ARHGAP15: variants seen among roughly 807,000 people sequenced by gnomAD.
ARHGAP15 encodes rho GTPase-activating protein 15.
ARHGAP15 carries 51 observed loss-of-function variants against 63.7 expected under a neutral mutation model. The ratio of observed to expected loss-of-function variants is 0.80; its 90% CI spans 0.64 to 1.01. The LOEUF is 1.01. ARHGAP15 is among the 50% of genes least tolerant of loss of function. The pLI is 0.00. For missense variants in ARHGAP15, 560 were observed against 564.6 expected (o/e 0.99, Z 0.08); for synonymous variants, 191 against 193.8 (o/e 0.99, Z 0.12).
intron 6 of ARHGAP15, among the ~76,000 whole-genome samples, chr2:143,391,461 C>G (rs759382174): frequency 4.6e-5 from 7 of 152,118 alleles, no homozygotes; most frequent in Non-Finnish European, 8.8e-5. Flanking sequence ...TCTACCAAAG[C>G]ATGCTATGCA....
intron 1 of ARHGAP15, among the ~76,000 whole-genome samples, chr2:143,135,247 T>C (rs1436485714): frequency 6.6e-6 from 1 of 152,218 alleles, no homozygotes; most frequent in African/African-American, 2.4e-5. Context: ...AAAGTTCATC[T>C]GATGAAAGCA....
At chr2:143,280,169 T>G (rs538521057) in intron 6 of ARHGAP15, among the ~76,000 whole-genome samples, 1 of 152,330 alleles carries the variant, frequency 6.6e-6, no homozygotes, top group South Asian at 2.1e-4. Context: ...TTATAGGCTT[T>G]CTTTTAAAAA....
At chr2:143,736,735 C>T (rs1685760168) in intron 13 of ARHGAP15, among the ~76,000 whole-genome samples, 1 of 152,216 alleles carries the variant, frequency 6.6e-6, no homozygotes, top group Non-Finnish European at 1.5e-5. Flanking sequence ...TTGCTTTACA[C>T]AATGCCTGGC....
intron 12 of ARHGAP15, among the ~76,000 whole-genome samples, chr2:143,637,955 C>T (rs1680406835): frequency 2.0e-5 from 3 of 151,862 alleles, no homozygotes; most frequent in Admixed American, 2.0e-4. Flanking sequence ...AATGAGATAC[C>T]ATCTCACACC....
At chr2:143,657,798 T>C (rs995609948) in intron 12 of ARHGAP15, among the ~76,000 whole-genome samples, 2 of 152,212 alleles carry the variant, frequency 1.3e-5, no homozygotes, top group African/African-American at 4.8e-5. Context: ...CCCTCCTGAT[T>C]TGATTTGTTG....
chr2:143,664,632 G>T (rs1442184635), intron 12 of ARHGAP15, among the ~76,000 whole-genome samples: 3 of 151,516 alleles, frequency 2.0e-5, no homozygotes, highest in Non-Finnish European at 3.0e-5. Flanking sequence ...TCCAGGAGCT[G>T]GTTTTTTGAA....
intron 6 of ARHGAP15, among the ~76,000 whole-genome samples, chr2:143,375,500 C>T (rs577700640): frequency 6.6e-6 from 1 of 152,272 alleles, no homozygotes; most frequent in South Asian, 2.1e-4. Context: ...TACTCTCTTG[C>T]ACATGTGGAA....
At chr2:143,684,081 T>TAAAG (rs1294896528) in intron 12 of ARHGAP15, among the ~76,000 whole-genome samples, 3 of 145,352 alleles carry the variant, frequency 2.1e-5, no homozygotes, top group Non-Finnish European at 4.6e-5. Flanking sequence ...ATTTATCTCC[T>TAAAG]AAAGATTTTA....
At chr2:143,514,005 G>T (rs181283021) in intron 9 of ARHGAP15, among the ~76,000 whole-genome samples, 22 of 152,306 alleles carry the variant, frequency 1.4e-4, no homozygotes, top group Admixed American at 3.3e-4. Flanking sequence ...GTGCATGTGA[G>T]AATTAAATGT....
At chr2:143,130,335 A>G (rs1363104523) in intron 1 of ARHGAP15, among the ~76,000 whole-genome samples, 1 of 152,104 alleles carries the variant, frequency 6.6e-6, no homozygotes, top group Non-Finnish European at 1.5e-5. Flanking sequence ...TGTGCAGAAA[A>G]CATCAAAATA....
intron 9 of ARHGAP15, among the ~76,000 whole-genome samples, chr2:143,495,709 A>G (rs1692786386): frequency 1.3e-5 from 1 of 77,028 alleles, no homozygotes; most frequent in Admixed American, 1.2e-4. Flanking sequence ...AACATCATTG[A>G]GTTAAGAGAA....
At chr2:143,752,743 C>A (rs886345976) in intron 13 of ARHGAP15, among the ~76,000 whole-genome samples, 3 of 152,170 alleles carry the variant, frequency 2.0e-5, no homozygotes, top group African/African-American at 7.2e-5. Context: ...GAAGTGCAGA[C>A]CCAAGAAAGC....
At chr2:143,313,255 G>A (rs1489630889) in intron 6 of ARHGAP15, among the ~76,000 whole-genome samples, 1 of 151,956 alleles carries the variant, frequency 6.6e-6, no homozygotes. Context: ...GAAGTATGAC[G>A]GACTTACATG....
At chr2:143,478,333 T>C (rs1340327984) in intron 8 of ARHGAP15, among the ~76,000 whole-genome samples, 1 of 152,206 alleles carries the variant, frequency 6.6e-6, no homozygotes, top group African/African-American at 2.4e-5. Flanking sequence ...AGCCGTACAA[T>C]GATACACACC....
intron 1 of ARHGAP15, among the ~76,000 whole-genome samples, chr2:143,138,957 A>T (rs1689252413): frequency 6.6e-6 from 1 of 152,094 alleles, no homozygotes; most frequent in African/African-American, 2.4e-5. Flanking sequence ...TTTTTAAACT[A>T]CATGTGTGTG....
chr2:143,545,952 C>T (rs868245534), intron 10 of ARHGAP15, among the ~76,000 whole-genome samples: 7 of 152,160 alleles, frequency 4.6e-5, no homozygotes, highest in South Asian at 4.1e-4. Context: ...TTAGCTCTCG[C>T]GACTTCTCTG....
intron 2 of ARHGAP15, among the ~76,000 whole-genome samples, chr2:143,181,267 T>C (rs1691225074): frequency 6.6e-6 from 1 of 152,148 alleles, no homozygotes; most frequent in Non-Finnish European, 1.5e-5. Context: ...GCAAAGTATA[T>C]TTAGTATCAT....
At position 143,309,688 on chromosome 2, in the gene ARHGAP15, A is replaced by G. The variant is rs923901828; in HGVS notation, c.474+59088A>G. On this transcript the variant is annotated intron_variant, in intron 6 of 13. Coordinates refer to ENST00000295095, the MANE Select transcript of ARHGAP15 (RefSeq NM_018460.4). ...TGTATCAGGGTTTCTCAACCTAGGC[A>G]CGCTTAATATTTTGTATCAGATAAC... Among the ~76,000 whole-genome samples the G allele has an allele frequency of 3.2e-4, 48 of 152,010 alleles. 1 individual carries two copies. The highest frequency in any genetic ancestry group is 5.9e-5 in the Non-Finnish European group (4 of 67,944).
intron 8 of ARHGAP15, among the ~76,000 whole-genome samples, chr2:143,481,886 G>C (rs548977670): frequency 6.6e-6 from 1 of 152,266 alleles, no homozygotes; most frequent in South Asian, 2.1e-4. Context: ...AGCAGTTTTA[G>C]CACCAATTAA....
Sources: gnomAD v4.1 joint callset for allele counts (sites outside exome capture counted in the v4.1 genomes callset) on GRCh38, gnomAD v4.1.1 for gene constraint, MANE v1.5 for transcripts, NCBI Gene and HGNC (gene_info 2026-07-23, HGNC 2026-07-21) for gene names.